Variants in IFT25 observed in about 807,000 individuals in gnomAD.
The protein encoded by IFT25 is intraflagellar transport protein 25 homolog.
the IFT25 span, among the ~76,000 whole-genome samples, chr1:53,930,696 G>A: frequency 6.6e-6 from 1 of 151,686 alleles, no homozygotes; most frequent in Non-Finnish European, 1.5e-5. Context: ...CTCTACATTG[G>A]CACTTAATCT....
chr1:53,919,583 G>A, the IFT25 span, among the ~76,000 whole-genome samples: 1 of 152,162 alleles, frequency 6.6e-6, no homozygotes, highest in East Asian at 1.9e-4. Flanking sequence ...CCAGAATTGT[G>A]AGCAAATGAA....
At chr1:53,927,312 A>G in the IFT25 span, among the ~76,000 whole-genome samples, 3 of 152,148 alleles carry the variant, frequency 2.0e-5, no homozygotes, top group African/African-American at 7.2e-5. Context: ...TCTTTTTTCT[A>G]GGGCCATTTA....
At chr1:53,934,727 G>A in the IFT25 span, among the ~76,000 whole-genome samples, 1 of 152,202 alleles carries the variant, frequency 6.6e-6, no homozygotes, top group Admixed American at 6.5e-5. Context: ...GGCCAGGTGT[G>A]TTAGCACATG....
the IFT25 span, among the ~76,000 whole-genome samples, chr1:53,933,135 CTT>C: frequency 2.4e-4 from 31 of 131,242 alleles, no homozygotes; most frequent in African/African-American, 4.1e-4. Flanking sequence ...TCCTTTTTCT[CTT>C]TTTTTTTTTT....
the IFT25 span, chr1:53,921,450 T>C: frequency 5.8e-6 from 3 of 517,410 alleles, no homozygotes; most frequent in East Asian, 6.4e-5. Flanking sequence ...AGCTATATAC[T>C]GAAGCCAAAC....
chr1:53,932,065 T>C, the IFT25 span, among the ~76,000 whole-genome samples: 5 of 152,304 alleles, frequency 3.3e-5, no homozygotes, highest in East Asian at 9.6e-4. Flanking sequence ...AGAAATACTT[T>C]CTAAGGCCAG....
chr1:53,941,702 T>A, the IFT25 span, among the ~76,000 whole-genome samples: 1 of 152,136 alleles, frequency 6.6e-6, no homozygotes, highest in Non-Finnish European at 1.5e-5. Flanking sequence ...CTCGACAAAA[T>A]CCTAAAATTA....
the IFT25 span, among the ~76,000 whole-genome samples, chr1:53,913,806 C>T: frequency 6.6e-6 from 1 of 152,132 alleles, no homozygotes; most frequent in African/African-American, 2.4e-5. Context: ...TTAAGAGACA[C>T]CAGAGTGCAC....
At chr1:53,915,826 G>A in the IFT25 span, among the ~76,000 whole-genome samples, 1 of 152,136 alleles carries the variant, frequency 6.6e-6, no homozygotes, top group Non-Finnish European at 1.5e-5. Context: ...AGGAGTCCAT[G>A]GGCAGGTGGA....
the IFT25 span, among the ~76,000 whole-genome samples, chr1:53,938,739 CAAGA>C: frequency 6.6e-6 from 1 of 152,014 alleles, no homozygotes; most frequent in Non-Finnish European, 1.5e-5. Flanking sequence ...GTACATATAC[CAAGA>C]AAGAGGGTTC....
the IFT25 span, among the ~76,000 whole-genome samples, chr1:53,919,209 CAT>C: frequency 5.3e-5 from 8 of 152,288 alleles, no homozygotes; most frequent in Admixed American, 1.3e-4. Flanking sequence ...AGCTTGGACA[CAT>C]GACATGATTT....
the IFT25 span, among the ~76,000 whole-genome samples, chr1:53,940,380 G>A: frequency 6.6e-6 from 1 of 152,068 alleles, no homozygotes; most frequent in African/African-American, 2.4e-5. Context: ...AAGGTCAACC[G>A]AGGAGAACAA....
At chr1:53,944,585 A>C in the IFT25 span, among the ~76,000 whole-genome samples, 1 of 152,232 alleles carries the variant, frequency 6.6e-6, no homozygotes, top group African/African-American at 2.4e-5. Context: ...GCGGAGGCTC[A>C]GTGAGGCGAG....
the IFT25 span, among the ~76,000 whole-genome samples, chr1:53,915,037 C>T: frequency 1.3e-5 from 2 of 152,210 alleles, no homozygotes; most frequent in East Asian, 3.8e-4. Context: ...CATTGGTCCA[C>T]AGTAAGTGAT....
the IFT25 span, among the ~76,000 whole-genome samples, chr1:53,927,169 CTTTCT>C: frequency 2.0e-5 from 3 of 152,140 alleles, no homozygotes; most frequent in East Asian, 1.9e-4. Flanking sequence ...GTCTTGTGAT[CTTTCT>C]TTTGTTACTT....
At chr1:53,933,259 C>T in the IFT25 span, among the ~76,000 whole-genome samples, 11 of 151,878 alleles carry the variant, frequency 7.2e-5, no homozygotes, top group East Asian at 3.9e-4. Flanking sequence ...CTCAGCCTCC[C>T]GAGTAACTGG....
chr1:53,943,612 G>A, the IFT25 span, among the ~76,000 whole-genome samples: 14 of 152,190 alleles, frequency 9.2e-5, no homozygotes, highest in Non-Finnish European at 1.6e-4. Flanking sequence ...GTGAGGGTTG[G>A]AGATGTAGGG....
chr1:53,945,631 T>C, the IFT25 span: 1 of 151,088 alleles, frequency 6.6e-6, no homozygotes, highest in Admixed American at 6.6e-5. Context: ...ACGCAGAGCG[T>C]CCCGACCCGC....
chr1:53,921,916 A>G, the IFT25 span: 11 of 586,564 alleles, frequency 1.9e-5, no homozygotes, highest in Middle Eastern at 4.5e-4. Flanking sequence ...GTTGTGGTAC[A>G]TATCAGCTAA....
Sources: allele counts gnomAD v4.1 joint callset (sites outside exome capture counted in the v4.1 genomes callset), GRCh38; gene constraint gnomAD v4.1.1; transcripts MANE v1.5; gene names NCBI Gene and HGNC (gene_info 2026-07-23, HGNC 2026-07-21).